Variants in TAFA2 observed in about 807,000 individuals in gnomAD.
TAFA2 encodes the protein chemokine-like protein TAFA-2.
In TAFA2, 7 loss-of-function variants were observed where a neutral mutation model predicts 18.8. That is an observed-to-expected ratio of 0.37 (90% confidence interval 0.21 to 0.70). The LOEUF (loss-of-function observed/expected upper bound fraction) is 0.70, where lower values mean the gene tolerates loss of function less well. TAFA2 is among the 30% of genes least tolerant of loss of function. The probability of loss-of-function intolerance (pLI) is 0.53; values close to 1 mark genes in which losing one functional copy is unlikely to be tolerated. For synonymous variants in TAFA2, 60 were observed against 54.2 expected (o/e 1.11, Z -0.47); for missense variants, 122 against 158.1 (o/e 0.77, Z 1.23).
At chr12:62,126,582 C>G (rs1052972894) in intron 1 of TAFA2, among the ~76,000 whole-genome samples, 1 of 151,994 alleles carries the variant, frequency 6.6e-6, no homozygotes, top group African/African-American at 2.4e-5. Context: ...TGAGATTCTT[C>G]CGTTGTGCCA....
intron 1 of TAFA2, among the ~76,000 whole-genome samples, chr12:62,008,120 C>T (rs1375427680): frequency 2.0e-5 from 3 of 152,120 alleles, no homozygotes; most frequent in South Asian, 4.1e-4. Context: ...ATAAGGTCCT[C>T]ATAACTCTTT....
chr12:62,093,378 A>G (rs920801533), intron 1 of TAFA2, among the ~76,000 whole-genome samples: 71 of 152,160 alleles, frequency 4.7e-4, no homozygotes, highest in African/African-American at 1.6e-3. Context: ...AAATACATGT[A>G]ATTAAAATAA....
chr12:61,861,850 T>C (rs570274283), intron 2 of TAFA2, among the ~76,000 whole-genome samples: 1 of 152,332 alleles, frequency 6.6e-6, no homozygotes, highest in South Asian at 2.1e-4. Context: ...TTAAAAAATT[T>C]TGTTTTTCTT....
chr12:61,894,863 A>G (rs1875773133), intron 1 of TAFA2, among the ~76,000 whole-genome samples: 1 of 152,210 alleles, frequency 6.6e-6, no homozygotes, highest in Non-Finnish European at 1.5e-5. Flanking sequence ...CTGATAAAAT[A>G]TGGATGCAGA....
chr12:61,966,051 C>A (rs1879055149), intron 1 of TAFA2, among the ~76,000 whole-genome samples: 1 of 151,804 alleles, frequency 6.6e-6, no homozygotes, highest in Admixed American at 6.6e-5. Context: ...CTCTTCAAGA[C>A]CCTGCTTCCA....
At chr12:62,203,927 T>A (rs2062681991) in intron 1 of TAFA2, among the ~76,000 whole-genome samples, 1 of 152,226 alleles carries the variant, frequency 6.6e-6, no homozygotes, top group South Asian at 2.1e-4. Flanking sequence ...TGCCTCATAG[T>A]GTCTTTGGTC....
intron 1 of TAFA2, among the ~76,000 whole-genome samples, chr12:62,166,598 G>A (rs2062441933): frequency 6.6e-6 from 1 of 151,742 alleles, no homozygotes; most frequent in Admixed American, 6.6e-5. Context: ...CACCTCCCCT[G>A]AAACTTGACA....
intron 3 of TAFA2, 47 bp downstream of exon 3, chr12:61,754,825 G>A (rs1222552659): frequency 3.1e-6 from 5 of 1,597,234 alleles, no homozygotes; most frequent in Non-Finnish European, 4.3e-6. Context: ...CTAGTTCTAA[G>A]CCATCCTTGG....
chr12:61,775,724 T>G (rs1870229918), intron 2 of TAFA2, among the ~76,000 whole-genome samples: 1 of 151,864 alleles, frequency 6.6e-6, no homozygotes, highest in South Asian at 2.1e-4. Flanking sequence ...TCATTGTACA[T>G]TTGCCTAAAT....
chr12:62,170,848 A>G (rs1301911997), intron 1 of TAFA2, among the ~76,000 whole-genome samples: 1 of 152,186 alleles, frequency 6.6e-6, no homozygotes, highest in African/African-American at 2.4e-5. Flanking sequence ...ACACATTACA[A>G]TATGGGTTTC....
At chr12:61,994,940 C>G (rs1435573276) in intron 1 of TAFA2, among the ~76,000 whole-genome samples, 2 of 152,126 alleles carry the variant, frequency 1.3e-5, no homozygotes, top group Non-Finnish European at 2.9e-5. Context: ...TGACACCATC[C>G]CATTCTAGAC....
chr12:61,787,173 GA>G (rs143510641), intron 2 of TAFA2, among the ~76,000 whole-genome samples: 36 of 147,094 alleles, frequency 2.4e-4, no homozygotes, highest in East Asian at 6.0e-4. Context: ...AATACTGAAA[GA>G]AAAAAAAAAC....
At chr12:62,159,846 A>G (rs1480515153) in intron 1 of TAFA2, among the ~76,000 whole-genome samples, 2 of 152,202 alleles carry the variant, frequency 1.3e-5, no homozygotes, top group East Asian at 1.9e-4. Flanking sequence ...CTGTACCCCA[A>G]TAACTTGTGG....
intron 1 of TAFA2, among the ~76,000 whole-genome samples, chr12:62,062,082 G>A (rs764287755): frequency 3.9e-5 from 6 of 152,144 alleles, no homozygotes; most frequent in Non-Finnish European, 8.8e-5. Context: ...GCTGAGGCAT[G>A]GGAATTGCTT....
At chr12:61,943,337 C>G (rs1019636194) in intron 1 of TAFA2, among the ~76,000 whole-genome samples, 28 of 150,886 alleles carry the variant, frequency 1.9e-4, no homozygotes, top group Non-Finnish European at 3.7e-4. Flanking sequence ...CGGTACCAGC[C>G]GCTGCAAAAT....
intron 1 of TAFA2, among the ~76,000 whole-genome samples, chr12:61,910,282 C>T (rs997350904): frequency 6.6e-6 from 1 of 151,956 alleles, no homozygotes; most frequent in Non-Finnish European, 1.5e-5. Flanking sequence ...ATGCACTGAT[C>T]GTACAATTTC....
At chr12:62,110,551 T>C (rs1389270637) in intron 1 of TAFA2, among the ~76,000 whole-genome samples, 2 of 151,494 alleles carry the variant, frequency 1.3e-5, no homozygotes, top group Non-Finnish European at 2.9e-5. Flanking sequence ...TCAGAAGGAA[T>C]GGCACCAGCT....
chr12:61,947,397 T>C (rs917024460), intron 1 of TAFA2, among the ~76,000 whole-genome samples: 1 of 151,356 alleles, frequency 6.6e-6, no homozygotes, highest in Non-Finnish European at 1.5e-5. Context: ...GCATGGCACA[T>C]GTATACATAT....
intron 2 of TAFA2, among the ~76,000 whole-genome samples, chr12:61,832,051 A>G (rs1289444402): frequency 6.6e-6 from 1 of 152,070 alleles, no homozygotes; most frequent in African/African-American, 2.4e-5. Flanking sequence ...TAGCAATGAA[A>G]TCTTCCTTCA....
Sources: gnomAD v4.1 joint callset for allele counts (sites outside exome capture counted in the v4.1 genomes callset) on GRCh38, gnomAD v4.1.1 for gene constraint, MANE v1.5 for transcripts, NCBI Gene and HGNC (gene_info 2026-07-23, HGNC 2026-07-21) for gene names.